The following C5 variants were observed in gnomAD, a reference collection of about 807,000 sequenced individuals.
C5 encodes complement C5, also known as C3 and PZP-like alpha-2-macroglobulin domain-containing protein 4.
A neutral mutation model predicts 218.8 loss-of-function variants in C5; 140 were observed. The ratio of observed to expected loss-of-function variants is 0.64; its 90% CI spans 0.56 to 0.74. The LOEUF (loss-of-function observed/expected upper bound fraction) is 0.74. Ranked by LOEUF, C5 falls within the 30% of genes least tolerant of loss-of-function variation. C5 has a pLI of 0.00. For missense variants in C5, 1,700 were observed against 1,969.6 expected (o/e 0.86, Z 2.59); for synonymous variants, 614 against 682.3 (o/e 0.90, Z 1.56).
chr9:120,970,234 G>T lies in C5; in HGVS notation c.4098C>A (p.His1366Gln). 6.2e-7 allele frequency: 1 copy of T among 1,611,650 alleles called. No individual in the cohort carries two copies. The highest frequency in any genetic ancestry group is 1.1e-5 in the South Asian group (1 of 90,998). ...LATVHVTTVV[H>Q]KTSTSEEVCS... ...AAACTTCCTCAGAGGTACTGGTTTT[G>T]TGAACTACAGTTGTTACCTACATTG... The change falls in exon 32 of 41, where the codon CAC (histidine) becomes CAA (glutamine). Residue 1366 changes from histidine (H) to glutamine (Q), a missense_variant. By Grantham distance (24) the His-to-Gln change is conservative. Transcript: ENST00000223642.
At chr9:121,070,928 C>A in the C5 span, among the ~76,000 whole-genome samples, 2 of 152,060 alleles carry the variant, frequency 1.3e-5, no homozygotes, top group East Asian at 1.9e-4. Flanking sequence ...GATGGATATG[C>A]TAATTACTCC....
chr9:121,017,441 AT>A lies in C5; in HGVS notation c.1786del (p.Met596TrpfsTer7), dbSNP rs2047317144. 6.2e-7 allele frequency: 1 copy of A among 1,613,900 alleles called. No individual in the cohort carries two copies. Among genetic ancestry groups the A allele is most frequent in the African/African-American group, 1.3e-5 (1 of 74,924 alleles). ...TGCTGCTAATGCCACCCAGGAATCC[AT>A]TCCAGTTGCCATATTAAGAGACACA... ...QTVSLNMATG[M>X]DSWVALAAVD... is the part of the protein sequence containing the mutation. On this transcript the variant is annotated frameshift_variant, in exon 14 of 41. Coordinates refer to ENST00000223642, the MANE Select transcript of C5 (RefSeq NM_001735.3). LOFTEE classifies it high-confidence loss of function.
At chr9:121,024,240 A>G (rs1395715623) in intron 9 of C5, among the ~76,000 whole-genome samples, 2 of 1,422 alleles carry the variant, frequency 1.4e-3, no homozygotes, top group African/African-American at 5.2e-3. Flanking sequence ...AGGGGAGGGG[A>G]GGGGGGAGGG....
At chr9:121,002,274 A>G (rs11999829) in intron 20 of C5, among the ~76,000 whole-genome samples, 92 of 128,120 alleles carry the variant, frequency 7.2e-4, no homozygotes, top group Middle Eastern at 3.9e-3. Flanking sequence ...ATATATATGT[A>G]TATATACGTA....
chr9:120,993,407 C>T (rs2047091809), intron 22 of C5, among the ~76,000 whole-genome samples: 1 of 147,074 alleles, frequency 6.8e-6, no homozygotes, highest in South Asian at 2.3e-4. Context: ...TTAAGTATAC[C>T]TATAACAATA....
At chr9:121,014,913 G>A (rs1189867079) in intron 16 of C5, among the ~76,000 whole-genome samples, 1 of 152,078 alleles carries the variant, frequency 6.6e-6, no homozygotes, top group Non-Finnish European at 1.5e-5. Context: ...TTAATTGCCA[G>A]ATGAAGTTAT....
intron 9 of C5, among the ~76,000 whole-genome samples, chr9:121,025,148 T>C (rs1156672764): frequency 6.6e-6 from 1 of 152,146 alleles, no homozygotes; most frequent in Non-Finnish European, 1.5e-5. Context: ...GGGTGCCAAA[T>C]GGTCAAGGCA....
rs1214836550 is a variant in C5 at position 121,002,298 on chromosome 9, G to GTA, written c.2562+3619_2562+3620dup. Reference sequence around the variant, plus strand: ...TATATATACGTATATATGTATATATGTATATATATATGTGTGTGTATATAT... The same window carrying GTA: ...TATATATACGTATATATGTATATATGTATATATATATATGTGTGTGTATATAT... On this transcript the variant is annotated intron_variant, in intron 20 of 40. Transcript: ENST00000223642. 9.0e-5 allele frequency among the ~76,000 whole-genome samples: 9 copies of GTA among 100,096 alleles called. No homozygotes were observed. The South Asian group carries it at 1.9e-3, about 21-fold the overall frequency. The allele number at this position is 100,096 out of a possible 152,430, so 65.7% of individuals were successfully genotyped here.
intron 18 of C5, 31 bp downstream of exon 18, chr9:121,008,377 C>A (rs1409877940): frequency 1.1e-5 from 17 of 1,533,556 alleles, no homozygotes; most frequent in Non-Finnish European, 1.5e-5. Flanking sequence ...ATCCACATTT[C>A]TTTCAAGGAA....
At position 121,043,070 on chromosome 9, in the gene C5, T is replaced by C. The variant is rs764365113; in HGVS notation, c.355A>G (p.Ile119Val). The C allele has an allele frequency of 6.2e-6, 10 of 1,613,026 alleles. No homozygotes were observed. In the South Asian group the frequency reaches 8.8e-5, roughly 14 times the overall value. ...AAGAGAAATCCATTGTCATAGGTTA[T>C]TGGCATTCTTTTTGATTTTGAAAAA... ...KHFSKSKRMP[I>V]TYDNGFLFIH... Residue 119 changes from isoleucine to valine, a missense_variant, in exon 3 of 41, where the codon ATA becomes GTA. Ile to Val is a conservative substitution (Grantham distance 29, BLOSUM62 3). Coordinates refer to ENST00000223642, the MANE Select transcript of C5 (RefSeq NM_001735.3).
rs750742992 is a variant in C5 at position 121,017,518 on chromosome 9, G to C, written c.1717-7C>G. The C allele has an allele frequency of 6.2e-7, 1 of 1,613,392 alleles. No homozygotes were observed. Among genetic ancestry groups the C allele is most frequent in the Non-Finnish European group, 8.5e-7 (1 of 1,179,832 alleles). Reference sequence around the variant, plus strand: ...CATCAGGAGACAGATGAACCTAAAAGTTCATTTGAAAAAGAAAAGAAAAGA... The same window carrying C: ...CATCAGGAGACAGATGAACCTAAAACTTCATTTGAAAAAGAAAAGAAAAGA... On this transcript the variant is annotated splice_region_variant and splice_polypyrimidine_tract_variant and intron_variant, in intron 13 of 40. Transcript: ENST00000223642.
chr9:120,973,883 G>T (rs559911488), intron 30 of C5, among the ~76,000 whole-genome samples: 2 of 152,114 alleles, frequency 1.3e-5, no homozygotes, highest in African/African-American at 4.8e-5. Context: ...GGAGGCTGAG[G>T]CAGGAGAATT....
intron 1 of C5, among the ~76,000 whole-genome samples, chr9:121,048,474 T>C (rs2047646724): frequency 6.6e-6 from 1 of 152,250 alleles, no homozygotes; most frequent in African/African-American, 2.4e-5. Context: ...TAATGCCTGA[T>C]GATCTGAAGT....
In C5 at chr9:121,025,419, TACACAC is replaced by T. The variant is rs1173632890; in HGVS notation, c.1000+29_1000+34del. On this transcript the variant is annotated intron_variant, in intron 9 of 40. Coordinates refer to ENST00000223642, the MANE Select transcript of C5 (RefSeq NM_001735.3). ...TCTAAATATTTTTCAAAAGAAAGTA[TACACAC>T]ACACACACACACACACACACACACT... is the stretch of plus-strand genomic sequence containing the variant. The T allele has an allele frequency of 7.4e-5, 106 of 1,437,390 alleles. No individual in the cohort carries two copies. In the African/African-American group the frequency reaches 7.9e-4, roughly 11 times the overall value. The allele number at this position is 1,437,390 out of a possible 1,614,324, so 89.0% of individuals were successfully genotyped here.
chr9:120,961,132 G>A (rs7867729), intron 37 of C5, among the ~76,000 whole-genome samples: 17,103 of 152,166 alleles, frequency 0.11, 1,474 homozygotes, highest in African/African-American at 0.24. Context: ...TAACTGGGAA[G>A]TATAAGAGAA....
intron 39 of C5, 62 bp downstream of exon 39, chr9:120,957,222 TG>T: frequency 9.1e-7 from 1 of 1,095,026 alleles, no homozygotes; most frequent in Non-Finnish European, 1.4e-6. Context: ...ATATAATGCC[TG>T]GCACATAGTC....
intron 28 of C5, chr9:120,979,798 G>A (rs1388774019): frequency 7.8e-6 from 3 of 384,284 alleles, no homozygotes; most frequent in South Asian, 2.3e-5. Flanking sequence ...AAGATCACTT[G>A]AGCCCAGGAG....
Position 121,015,053 on chromosome 9 carries a change from C to T in C5, c.2059+146G>A. On this transcript the variant is annotated intron_variant, in intron 16 of 40. Transcript: ENST00000223642. ...CTAGACTTTATTTGGATTAATCTTT[C>T]TGAGAGAGATAAGCTAGACCTCCAT... 3 of 620,092 alleles carry T rather than the reference C, an allele frequency of 4.8e-6. No homozygotes were observed. The South Asian group carries it at 5.8e-5, about 12-fold the overall frequency. The allele number at this position is 620,092 out of a possible 1,614,324, so 38.4% of individuals were successfully genotyped here. A position where few individuals can be genotyped will look rare whatever the true frequency, so the allele number is the denominator to read the frequency against.
At chr9:120,996,641 A>G (rs1176095451) in intron 21 of C5, among the ~76,000 whole-genome samples, 1 of 152,242 alleles carries the variant, frequency 6.6e-6, no homozygotes, top group Non-Finnish European at 1.5e-5. Flanking sequence ...ATGGAAATCA[A>G]GTAACACTGT....
Sources: allele counts gnomAD v4.1 joint callset (sites outside exome capture counted in the v4.1 genomes callset), GRCh38; gene constraint gnomAD v4.1.1; transcripts MANE v1.5; gene names NCBI Gene and HGNC (gene_info 2026-07-23, HGNC 2026-07-21).